The following SLC36A1 variants were observed in gnomAD, a reference collection of about 807,000 sequenced individuals.
The protein encoded by SLC36A1 is proton-coupled amino acid transporter 1.
In SLC36A1, 30 loss-of-function variants were observed where a neutral mutation model predicts 47.5. The observed-to-expected ratio is 0.63, with a 90% CI of 0.47 to 0.86. SLC36A1 has a LOEUF of 0.86. Ranked by LOEUF, SLC36A1 falls within the 40% of genes least tolerant of loss-of-function variation. SLC36A1 has a pLI of 0.00. For synonymous variants in SLC36A1, 255 were observed against 249.7 expected (o/e 1.02, Z -0.20); for missense variants, 517 against 606.0 (o/e 0.85, Z 1.54).
intron 5 of SLC36A1, 77 bp from the exon 6 acceptor site, chr5:151,467,122 C>T (rs1402627091): frequency 2.5e-6 from 3 of 1,197,138 alleles, no homozygotes; most frequent in Non-Finnish European, 3.6e-6. Flanking sequence ...AAAACAAAAA[C>T]AAAAAACACC....
chr5:151,514,350 G>A, the SLC36A1 span, among the ~76,000 whole-genome samples: 3,904 of 152,216 alleles, frequency 0.026, 188 homozygotes, highest in African/African-American at 0.09. Flanking sequence ...CCTCTGTAAT[G>A]TCCTCGTTCC....
rs904499437 is a variant in SLC36A1, at chr5:151,447,773, G to A, written c.-46G>A. The A allele has an allele frequency of 5.7e-4, 87 of 152,460 alleles. No individual in the cohort carries two copies. The highest frequency in any genetic ancestry group is 5.6e-3 in the Admixed American group (86 of 15,306). 9.4% of individuals were successfully genotyped at this position (152,460 alleles called of 1,614,324 possible). A position where few individuals can be genotyped will look rare whatever the true frequency, so the allele number is the denominator to read the frequency against. On this transcript the variant is annotated 5_prime_UTR_variant, in exon 1 of 11. Coordinates refer to ENST00000243389, the MANE Select transcript of SLC36A1 (RefSeq NM_078483.4). ...CTGGCGGCGCTCGCCGCCTTGGGCA[G>A]GACCCACCTCGCCTTCCTCCCGGCG... is the stretch of plus-strand genomic sequence containing the variant.
chr5:151,542,697 C>T, the SLC36A1 span: 1 of 1,614,244 alleles, frequency 6.2e-7, no homozygotes, highest in Admixed American at 1.7e-5. Flanking sequence ...TCCCCACTGG[C>T]ATATTCTCAG....
At chr5:151,544,395 T>C in the SLC36A1 span, 1 of 1,614,182 alleles carries the variant, frequency 6.2e-7, no homozygotes, top group Non-Finnish European at 8.5e-7. Flanking sequence ...TATCCGTGGC[T>C]CTGACTGTGA....
the SLC36A1 span, among the ~76,000 whole-genome samples, chr5:151,406,147 G>A: frequency 6.6e-6 from 1 of 152,218 alleles, no homozygotes; most frequent in African/African-American, 2.4e-5. Flanking sequence ...GCCCCAGGAA[G>A]GGCCCTGGCA....
At chr5:151,529,251 C>T in the SLC36A1 span, 73,666 of 1,613,876 alleles carry the variant, frequency 0.046, 2,164 homozygotes, top group African/African-American at 0.13. Context: ...GAATTGGGGC[C>T]GGTGTTCATT....
chr5:151,437,108 C>G (rs1165872553), exon 1 of SLC36A1: 1 of 152,206 alleles, frequency 6.6e-6, no homozygotes, highest in Non-Finnish European at 1.5e-5. Context: ...TCTTTTCTTG[C>G]CTTGTTTCAG....
chr5:151,355,651 G>T, the SLC36A1 span, among the ~76,000 whole-genome samples: 8 of 152,144 alleles, frequency 5.3e-5, no homozygotes, highest in African/African-American at 1.9e-4. Context: ...CTGTTAAAAA[G>T]ACTCAAGCAT....
the SLC36A1 span, among the ~76,000 whole-genome samples, chr5:151,373,974 TGG>T: frequency 6.6e-6 from 1 of 152,172 alleles, no homozygotes; most frequent in Non-Finnish European, 1.5e-5. Flanking sequence ...GCCTATGGGC[TGG>T]TGTGTATGTA....
intron 10 of SLC36A1, 188 bp downstream of exon 10, chr5:151,479,677 A>G (rs1450249942): frequency 5.0e-6 from 3 of 599,784 alleles, no homozygotes; most frequent in Non-Finnish European, 8.7e-6. Flanking sequence ...TTACATATGT[A>G]CTGTAAAGAA....
chr5:151,388,529 T>TAAAAA, the SLC36A1 span, among the ~76,000 whole-genome samples: 1 of 118,444 alleles, frequency 8.4e-6, no homozygotes, highest in African/African-American at 3.8e-5. Flanking sequence ...AAAAAAGAAC[T>TAAAAA]TTGGTCTCCA....
chr5:151,506,453 C>A, the SLC36A1 span, among the ~76,000 whole-genome samples: 1 of 149,492 alleles, frequency 6.7e-6, no homozygotes, highest in Non-Finnish European at 1.5e-5. Context: ...CTGAAGGAAA[C>A]ACACACACAG....
the SLC36A1 span, chr5:151,347,600 C>T: frequency 2.0e-6 from 2 of 977,756 alleles, no homozygotes; most frequent in East Asian, 2.5e-5. Context: ...TGGAACGAGG[C>T]CCCGCCCACC....
chr5:151,356,355 A>AAAAAAAAAAAAAAAAAAAAAAAAAAAAAC, the SLC36A1 span, among the ~76,000 whole-genome samples: 1 of 149,358 alleles, frequency 6.7e-6, no homozygotes, highest in Non-Finnish European at 1.5e-5. Context: ...AAAAAAAAAA[A>AAAAAAAAAAAAAAAAAAAAAAAAAAAAAC]AAAAAGAATA....
At chr5:151,543,069 T>G in the SLC36A1 span, 5 of 1,614,194 alleles carry the variant, frequency 3.1e-6, no homozygotes, top group African/African-American at 1.3e-5. Flanking sequence ...TCGGTAAGGA[T>G]ACTTTTTTAG....
At chr5:151,431,797 C>G in the SLC36A1 span, among the ~76,000 whole-genome samples, 4 of 152,156 alleles carry the variant, frequency 2.6e-5, no homozygotes, top group African/African-American at 9.7e-5. Context: ...TACCCAGTCT[C>G]GAGTGTGTCT....
At position 151,488,350 on chromosome 5, in the gene SLC36A1, A is replaced by G; in HGVS notation, c.*96A>G. 6.8e-7 allele frequency: 1 copy of G among 1,474,056 alleles called. No individual in the cohort carries two copies. The highest frequency in any genetic ancestry group is 9.1e-7 in the Non-Finnish European group (1 of 1,094,952). 91.3% of individuals were successfully genotyped at this position (1,474,056 alleles called of 1,614,324 possible). On this transcript the variant is annotated 3_prime_UTR_variant, in exon 11 of 11. Transcript: ENST00000243389. ...CAGGTATGGTCCAGGCTCTGAGGAA[A>G]GTCAGGGTTGCTGTGTGGGAACCCC...
the SLC36A1 span, among the ~76,000 whole-genome samples, chr5:151,361,059 GCA>G: frequency 6.6e-6 from 1 of 152,110 alleles, no homozygotes; most frequent in Non-Finnish European, 1.5e-5. Context: ...CAACATCTAG[GCA>G]CAGTTTTCTT....
chr5:151,486,113 A>C (rs1282244781), intron 10 of SLC36A1, among the ~76,000 whole-genome samples: 1 of 152,218 alleles, frequency 6.6e-6, no homozygotes, highest in Non-Finnish European at 1.5e-5. Flanking sequence ...CTGTACAGGA[A>C]GTGTGATGCC....
Sources: allele counts gnomAD v4.1 joint callset (sites outside exome capture counted in the v4.1 genomes callset), GRCh38; gene constraint gnomAD v4.1.1; transcripts MANE v1.5; gene names NCBI Gene and HGNC (gene_info 2026-07-23, HGNC 2026-07-21).